The following TRAPPC6A variants were observed in gnomAD, a reference collection of about 807,000 sequenced individuals.
The protein encoded by TRAPPC6A is trafficking protein particle complex subunit 6A.
In TRAPPC6A, 25 loss-of-function variants were observed where a neutral mutation model predicts 20.8. That is an observed-to-expected ratio of 1.20 (90% CI 0.88 to 1.68). The LOEUF is 1.68. Ranked by LOEUF, TRAPPC6A falls within the 40% of genes most tolerant of loss-of-function variation. The probability of loss-of-function intolerance (pLI) is 0.00; values close to 1 mark genes in which losing one functional copy is unlikely to be tolerated. For missense variants in TRAPPC6A, 215 were observed against 211.6 expected (o/e 1.02, Z -0.10); for synonymous variants, 96 against 93.3 (o/e 1.03, Z -0.16).
intron 1 of TRAPPC6A, among the ~76,000 whole-genome samples, chr19:45,167,956 C>A (rs1369371543): frequency 6.6e-6 from 1 of 151,506 alleles, no homozygotes; most frequent in Non-Finnish European, 1.5e-5. Context: ...CATGATCATG[C>A]CACTGTACTG....
chr19:45,167,353 T>C (rs894690240), intron 1 of TRAPPC6A, among the ~76,000 whole-genome samples: 2 of 152,230 alleles, frequency 1.3e-5, no homozygotes, highest in Non-Finnish European at 2.9e-5. Context: ...CAATGCCATA[T>C]TTCTGGTACA....
intron 1 of TRAPPC6A, among the ~76,000 whole-genome samples, chr19:45,175,372 A>G (rs1969347234): frequency 6.6e-6 from 1 of 150,750 alleles, no homozygotes; most frequent in Non-Finnish European, 1.5e-5. Context: ...GCTTGCAGTG[A>G]GCCGAGATCG....
At chr19:45,175,628 G>A (rs1969355015) in intron 1 of TRAPPC6A, among the ~76,000 whole-genome samples, 1 of 152,098 alleles carries the variant, frequency 6.6e-6, no homozygotes, top group East Asian at 1.9e-4. Flanking sequence ...TGTGACAGGT[G>A]GAATGGGCTG....
rs941696337 is a variant in TRAPPC6A, at chr19:45,173,275, T to G, written c.84+4860A>C. Reference sequence around the variant, plus strand: ...CCTTCCTGGCCCCTCTGGCCGGTCCTCCAGTTCACAACCTGTGACAGCCCA... The same window carrying G: ...CCTTCCTGGCCCCTCTGGCCGGTCCGCCAGTTCACAACCTGTGACAGCCCA... On this transcript the variant is annotated intron_variant, in intron 1 of 5. Coordinates refer to ENST00000585934, the MANE Select transcript of TRAPPC6A (RefSeq NM_001270891.2). The surrounding 1 kb of genome is among the most constrained non-coding windows in gnomAD (Gnocchi z 4.8). Among the ~76,000 whole-genome samples the G allele has an allele frequency of 1.3e-5, 2 of 151,658 alleles. No individual in the cohort carries two copies. The highest frequency in any genetic ancestry group is 2.9e-5 in the Non-Finnish European group (2 of 67,918).
intron 1 of TRAPPC6A, among the ~76,000 whole-genome samples, chr19:45,174,761 T>G (rs1163033619): frequency 6.6e-6 from 1 of 151,714 alleles, no homozygotes; most frequent in Non-Finnish European, 1.5e-5. Context: ...CCCAGGAGTG[T>G]GAGGCTACAG....
chr19:45,164,469 G>A lies in TRAPPC6A; in HGVS notation c.271-222C>T, dbSNP rs117989866. On this transcript the variant is annotated intron_variant, in intron 3 of 5. Transcript: ENST00000585934. The stretch of plus-strand genomic sequence containing the variant: ...CCTGGGGAGTGTGGGTCCTGCCCTC[G>A]CCTCCCAGGGTTGTGCAGAAAAGCT... Among the ~76,000 whole-genome samples the A allele has an allele frequency of 8.2e-3, 1,255 of 152,166 alleles. 15 individuals are homozygous for A. The highest frequency in any genetic ancestry group is 0.014 in the Middle Eastern group (4 of 294).
Position 45,164,153 on chromosome 19 carries a change from T to A in TRAPPC6A, c.354+11A>T, listed in dbSNP as rs1776258881. ...AGGGAGGTGTGGACAAGGCCCCAGC[T>A]CCCCCCATACCTTGGGTGCTTCCTC... On this transcript the variant is annotated intron_variant, in intron 4 of 5. Transcript: ENST00000585934. The A allele has an allele frequency of 6.3e-7, 1 of 1,595,990 alleles. No homozygotes were observed. Among genetic ancestry groups the A allele is most frequent in the Non-Finnish European group, 8.5e-7 (1 of 1,171,716 alleles).
Position 45,178,211 on chromosome 19 carries a change from T to C in TRAPPC6A, c.8A>G (p.Asp3Gly). MA[D>G]TVLFEFLHTE... Reference sequence around the variant, plus strand: ...GTGAAGAAACTCAAACAACACAGTATCCGCCATGCCCCCTCCTCGCACGCC... The same window carrying C: ...GTGAAGAAACTCAAACAACACAGTACCCGCCATGCCCCCTCCTCGCACGCC... Residue 3 changes from aspartate (D) to glycine (G), a missense_variant, in exon 1 of 6, where the codon GAT (aspartate) becomes GGT (glycine). By Grantham distance (94) the Asp-to-Gly change is moderately conservative (BLOSUM62 -1). Transcript: ENST00000585934. 2 of 1,604,774 alleles carry C rather than the reference T, an allele frequency of 1.2e-6. No individual in the cohort carries two copies. The highest frequency in any genetic ancestry group is 1.7e-4 in the Middle Eastern group (1 of 6,032).
At chr19:45,167,415 A>C (rs1345108561) in intron 1 of TRAPPC6A, among the ~76,000 whole-genome samples, 1 of 152,206 alleles carries the variant, frequency 6.6e-6, no homozygotes, top group African/African-American at 2.4e-5. Context: ...AATATTAAAC[A>C]CTGAAATAAA....
At chr19:45,174,404 C>T (rs1218276172) in intron 1 of TRAPPC6A, among the ~76,000 whole-genome samples, 1 of 152,206 alleles carries the variant, frequency 6.6e-6, no homozygotes, top group Non-Finnish European at 1.5e-5. Flanking sequence ...CACGTCCACA[C>T]TGAGGACCCA....
In TRAPPC6A at chr19:45,162,996, ACCAC is replaced by A; in HGVS notation, c.*192_*195del. ...GTGACGCTGCCGAGGCGGGAATCCC[ACCAC>A]AGTCCTGACCGCAGCTGGGACCCCT... is the stretch of plus-strand genomic sequence containing the variant. On this transcript the variant is annotated 3_prime_UTR_variant, in exon 6 of 6. Coordinates refer to ENST00000585934, the MANE Select transcript of TRAPPC6A (RefSeq NM_001270891.2). 1 of 473,138 alleles carries A rather than the reference ACCAC, an allele frequency of 2.1e-6. No individual in the cohort carries two copies. Among genetic ancestry groups the A allele is most frequent in the Admixed American group, 4.1e-5 (1 of 24,122 alleles). 29.3% of individuals were successfully genotyped at this position (473,138 alleles called of 1,614,324 possible). A position where few individuals can be genotyped will look rare whatever the true frequency, so the allele number is the denominator to read the frequency against.
Position 45,163,469 on chromosome 19 carries a change from C to A in TRAPPC6A, c.449-246G>T, listed in dbSNP as rs1412207965. Among the ~76,000 whole-genome samples the A allele has an allele frequency of 6.6e-6, 1 of 152,058 alleles. No individual in the cohort carries two copies. Among genetic ancestry groups the A allele is most frequent in the Non-Finnish European group, 1.5e-5 (1 of 67,968 alleles). On this transcript the variant is annotated intron_variant, in intron 5 of 5. Transcript: ENST00000585934. This position sits in a 1 kb window ranked among gnomAD's most constrained non-coding sequence, Gnocchi z 5.3. ...TGGTATGCATTGCTCGGTCCTACCC[C>A]ACGGGGGCCCCGGGGGCCCCCATGA...
At chr19:45,171,094 G>GA (rs1208639064) in intron 1 of TRAPPC6A, among the ~76,000 whole-genome samples, 2 of 152,334 alleles carry the variant, frequency 1.3e-5, no homozygotes, top group African/African-American at 4.8e-5. Context: ...TTGAGGTTAG[G>GA]AGTTTGAGAC....
chr19:45,169,092 G>A (rs1476375661), intron 1 of TRAPPC6A, among the ~76,000 whole-genome samples: 1 of 152,182 alleles, frequency 6.6e-6, no homozygotes, highest in East Asian at 1.9e-4. Context: ...TCATGGAAGG[G>A]GCCGATGACT....
intron 1 of TRAPPC6A, among the ~76,000 whole-genome samples, chr19:45,165,864 G>A (rs1165764633): frequency 6.6e-6 from 1 of 152,118 alleles, no homozygotes; most frequent in Non-Finnish European, 1.5e-5. Context: ...GTCTGTCCAC[G>A]TGCCTGTGTG....
intron 1 of TRAPPC6A, among the ~76,000 whole-genome samples, chr19:45,166,359 C>T (rs1969152223): frequency 6.6e-6 from 1 of 151,852 alleles, no homozygotes; most frequent in Non-Finnish European, 1.5e-5. Context: ...GGCCTGTGTG[C>T]CACCACACCC....
intron 1 of TRAPPC6A, among the ~76,000 whole-genome samples, chr19:45,175,311 C>T (rs1361933376): frequency 6.7e-6 from 1 of 148,892 alleles, no homozygotes; most frequent in Non-Finnish European, 1.5e-5. Flanking sequence ...CCTGTGGTTC[C>T]AGCTACTCGG....
At position 45,165,164 on chromosome 19, in the gene TRAPPC6A, C is replaced by T. The variant is rs779669486; in HGVS notation, c.115G>A (p.Gly39Ser). Reference protein sequence around the residue: ...GQKMSLSVLEGMGFRVGQALG... With the variant: ...GQKMSLSVLESMGFRVGQALG... ...GCCTGGCCCACACGGAACCCCATAC[C>T]CTCCAGGACCGACAGGCTCATCTTC... Residue 39 changes from glycine to serine, a missense_variant, in exon 2 of 6, where the codon GGT (glycine) becomes AGT (serine). Coordinates refer to ENST00000585934, the MANE Select transcript of TRAPPC6A (RefSeq NM_001270891.2). The T allele has an allele frequency of 1.9e-6, 3 of 1,609,124 alleles. No homozygotes were observed. Among genetic ancestry groups the T allele is most frequent in the Admixed American group, 3.4e-5 (2 of 59,572 alleles).
chr19:45,169,719 G>A (rs1056640451), intron 1 of TRAPPC6A, among the ~76,000 whole-genome samples: 5 of 152,200 alleles, frequency 3.3e-5, no homozygotes, highest in East Asian at 1.9e-4. Context: ...GCGAGAGCTC[G>A]CTGCCTGGTA....
Sources: allele counts gnomAD v4.1 joint callset (sites outside exome capture counted in the v4.1 genomes callset), GRCh38; gene constraint gnomAD v4.1.1; non-coding constraint Gnocchi (gnomAD v3.1); transcripts MANE v1.5; gene names NCBI Gene and HGNC (gene_info 2026-07-23, HGNC 2026-07-21).